The following VAV2 variants were observed in gnomAD, a reference collection of about 807,000 sequenced individuals.
VAV2 encodes vav guanine nucleotide exchange factor 2.
In VAV2, 67 loss-of-function variants were observed where a neutral mutation model predicts 132.5. The observed-to-expected ratio is 0.51, with a 90% confidence interval of 0.42 to 0.62. The LOEUF is 0.62. Among genes scored for constraint, VAV2 ranks in the 20% least tolerant of loss-of-function variants. VAV2 has a pLI of 0.00. For synonymous variants in VAV2, 492 were observed against 443.5 expected (o/e 1.11, Z -1.37); for missense variants, 938 against 1,153.6 (o/e 0.81, Z 2.71).
chr9:133,852,903 A>G (rs571865274), intron 3 of VAV2, among the ~76,000 whole-genome samples: 2 of 152,262 alleles, frequency 1.3e-5, no homozygotes, highest in Admixed American at 6.5e-5. Context: ...TGCTACACAT[A>G]GACTCACCCC....
chr9:133,853,945 G>A (rs1837284118), intron 3 of VAV2, among the ~76,000 whole-genome samples: 1 of 152,152 alleles, frequency 6.6e-6, no homozygotes, highest in Non-Finnish European at 1.5e-5. Context: ...GATACAGAAT[G>A]AGCAAGATCC....
At chr9:133,896,605 G>C (rs552203791) in intron 2 of VAV2, among the ~76,000 whole-genome samples, 2 of 152,326 alleles carry the variant, frequency 1.3e-5, no homozygotes, top group South Asian at 4.1e-4. Context: ...CTGTTGTTCA[G>C]GTCACTCTCA....
At position 133,769,405 on chromosome 9, in the gene VAV2, G is replaced by A. The variant is rs2131564531; in HGVS notation, c.2434+12C>T. 4 of 1,607,448 alleles carry A rather than the reference G, an allele frequency of 2.5e-6. No individual in the cohort carries two copies. The highest frequency in any genetic ancestry group is 1.1e-5 in the South Asian group (1 of 89,536). ...AGGCCCGGTCCCCCCACGCCCTGGG[G>A]AGCAGCGGTACCTGACCAGAAGGGA... On this transcript the variant is annotated intron_variant, in intron 28 of 29. Coordinates refer to ENST00000371850, the MANE Select transcript of VAV2 (RefSeq NM_001134398.2). This position sits in a 1 kb window ranked among gnomAD's most constrained non-coding sequence, Gnocchi z 8.1.
chr9:133,962,866 C>A (rs1225570778), intron 1 of VAV2, among the ~76,000 whole-genome samples: 1 of 152,174 alleles, frequency 6.6e-6, no homozygotes, highest in Non-Finnish European at 1.5e-5. Flanking sequence ...TGGCTCCATT[C>A]CTAGGTTTTC....
At chr9:133,895,844 C>T (rs1839177638) in intron 2 of VAV2, among the ~76,000 whole-genome samples, 1 of 152,074 alleles carries the variant, frequency 6.6e-6, no homozygotes, top group African/African-American at 2.4e-5. Context: ...AGAACATCAG[C>T]TTTCTACACA....
In VAV2 at chr9:133,789,350, A is replaced by C; in HGVS notation, c.1189-7T>G. 6.5e-7 allele frequency: 1 copy of C among 1,532,746 alleles called. No individual in the cohort carries two copies. Among genetic ancestry groups the C allele is most frequent in the South Asian group, 1.1e-5 (1 of 87,542 alleles). The allele number at this position is 1,532,746 out of a possible 1,614,324, so 94.9% of individuals were successfully genotyped here. ...ATTCCTCCAGTTTCACTTGCTGGGA[A>C]GAAGGAGAGGGGCCGTCAGCCGGGG... On this transcript the variant is annotated splice_region_variant and splice_polypyrimidine_tract_variant and intron_variant, in intron 13 of 29. Coordinates refer to ENST00000371850, the MANE Select transcript of VAV2 (RefSeq NM_001134398.2).
At chr9:133,872,288 C>A (rs1838086683) in intron 2 of VAV2, among the ~76,000 whole-genome samples, 1 of 152,238 alleles carries the variant, frequency 6.6e-6, no homozygotes, top group Non-Finnish European at 1.5e-5. Context: ...GGCTTCCTCC[C>A]TGCATGCTCG....
chr9:133,927,346 G>A (rs1840516119), intron 2 of VAV2, among the ~76,000 whole-genome samples: 1 of 152,174 alleles, frequency 6.6e-6, no homozygotes, highest in African/African-American at 2.4e-5. Flanking sequence ...GATTAACCAA[G>A]TCTTCAATTA....
chr9:133,985,871 G>C (rs1564526760), intron 1 of VAV2, among the ~76,000 whole-genome samples: 1 of 152,136 alleles, frequency 6.6e-6, no homozygotes, highest in Non-Finnish European at 1.5e-5. Flanking sequence ...GATGGTAACA[G>C]GTTATATGCA....
chr9:133,909,490 C>T (rs1242287361), intron 2 of VAV2, among the ~76,000 whole-genome samples: 3 of 152,218 alleles, frequency 2.0e-5, no homozygotes, highest in Admixed American at 1.3e-4. Flanking sequence ...CAGCTATGGG[C>T]CCCACCTCAA....
At chr9:133,866,800 C>A (rs1326733399) in intron 2 of VAV2, among the ~76,000 whole-genome samples, 1 of 138,470 alleles carries the variant, frequency 7.2e-6, no homozygotes. Flanking sequence ...AGCAAGACTC[C>A]GTCTCAAAAA....
chr9:133,859,130 G>A (rs1396792988), intron 3 of VAV2, among the ~76,000 whole-genome samples: 1 of 152,124 alleles, frequency 6.6e-6, no homozygotes, highest in African/African-American at 2.4e-5. Flanking sequence ...GCCCACCCCG[G>A]GCCTCAAAGG....
intron 2 of VAV2, among the ~76,000 whole-genome samples, chr9:133,904,092 T>G (rs771247220): frequency 6.6e-6 from 1 of 152,214 alleles, no homozygotes; most frequent in African/African-American, 2.4e-5. Flanking sequence ...TATTTTGAGC[T>G]GCTTCCTATC....
At chr9:133,881,406 C>T (rs1008911037) in intron 2 of VAV2, among the ~76,000 whole-genome samples, 2 of 152,230 alleles carry the variant, frequency 1.3e-5, no homozygotes, top group African/African-American at 4.8e-5. Flanking sequence ...TCCTGCATCC[C>T]ATCAGGGGCC....
intron 9 of VAV2, among the ~76,000 whole-genome samples, chr9:133,805,364 G>A (rs940063914): frequency 6.6e-6 from 1 of 152,070 alleles, no homozygotes; most frequent in African/African-American, 2.4e-5. Flanking sequence ...AGACCCCTTC[G>A]GGCTCCTCCA....
At chr9:133,963,127 G>A (rs12378050) in intron 1 of VAV2, among the ~76,000 whole-genome samples, 41,088 of 152,036 alleles carry the variant, frequency 0.27, 5,998 homozygotes, top group South Asian at 0.35. Context: ...CCCTTTGCAC[G>A]GAAACTGGGA....
intron 2 of VAV2, among the ~76,000 whole-genome samples, chr9:133,909,559 C>T (rs1016226852): frequency 6.6e-6 from 1 of 152,164 alleles, no homozygotes; most frequent in African/African-American, 2.4e-5. Context: ...ACTGCAGGTT[C>T]GCGAGGATGG....
intron 2 of VAV2, among the ~76,000 whole-genome samples, chr9:133,867,297 G>T (rs144526820): frequency 4.6e-5 from 7 of 152,230 alleles, no homozygotes; most frequent in Non-Finnish European, 7.3e-5. Flanking sequence ...CAGGTGGTGC[G>T]TGCGCAACTC....
rs963227028 is a variant in VAV2, at chr9:133,833,785, C to A, written c.449+487G>T. ...GACACGGAGAAGAGCAGAGGCGGGT[C>A]CACCGAGGCAGGGCAGTGCCTGCCG... is the stretch of plus-strand genomic sequence containing the variant. On this transcript the variant is annotated intron_variant, in intron 4 of 29. Transcript: ENST00000371850. The surrounding 1 kb of genome is among the most constrained non-coding windows in gnomAD (Gnocchi z 5.6). 3.3e-5 allele frequency among the ~76,000 whole-genome samples: 5 copies of A among 152,176 alleles called. No individual in the cohort carries two copies. Among genetic ancestry groups the A allele is most frequent in the African/African-American group, 1.2e-4 (5 of 41,466 alleles).
Sources: allele counts gnomAD v4.1 joint callset (sites outside exome capture counted in the v4.1 genomes callset), GRCh38; gene constraint gnomAD v4.1.1; non-coding constraint Gnocchi (gnomAD v3.1); transcripts MANE v1.5; gene names NCBI Gene and HGNC (gene_info 2026-07-23, HGNC 2026-07-21).